Variants in PDXDC1 observed in about 807,000 individuals in gnomAD.
PDXDC1 encodes pyridoxal-dependent decarboxylase domain-containing protein 1.
In PDXDC1, 42 loss-of-function variants were observed where a neutral mutation model predicts 100.1. That is an observed-to-expected ratio of 0.42 (90% CI 0.33 to 0.54). PDXDC1 has a LOEUF of 0.54. PDXDC1 is among the 20% of genes least tolerant of loss of function. The pLI, the probability that PDXDC1 is intolerant of heterozygous loss-of-function variation, is 0.10. For synonymous variants in PDXDC1, 260 were observed against 371.7 expected, an observed-to-expected ratio of 0.70 and a Z score of 3.46; for missense variants, 636 against 979.2, an observed-to-expected ratio of 0.65 and a Z score of 4.68.
intron 16 of PDXDC1, chr16:15,130,840 CG>C: frequency 1.3e-6 from 1 of 760,336 alleles, no homozygotes; most frequent in Non-Finnish European, 2.3e-6. Context: ...CTCAACCACC[CG>C]GGGGACACCC....
At chr16:15,097,111 T>A (rs1194079441) in intron 16 of PDXDC1, among the ~76,000 whole-genome samples, 2 of 151,830 alleles carry the variant, frequency 1.3e-5, no homozygotes, top group African/African-American at 4.8e-5. Flanking sequence ...ATAACACTTT[T>A]AAAAAACTTA....
intron 1 of PDXDC1, chr16:14,988,688 A>G: frequency 1.9e-6 from 3 of 1,613,752 alleles, no homozygotes; most frequent in Non-Finnish European, 2.5e-6. Flanking sequence ...CCAGGTTGAT[A>G]TGGTCGTTCT....
At chr16:15,059,191 C>G (rs755872959) in intron 16 of PDXDC1, among the ~76,000 whole-genome samples, 1 of 152,148 alleles carries the variant, frequency 6.6e-6, no homozygotes, top group Non-Finnish European at 1.5e-5. Flanking sequence ...TGGTGTGTGA[C>G]GTGAGCCTGG....
At chr16:15,054,372 A>G (rs1046116469) in intron 16 of PDXDC1, among the ~76,000 whole-genome samples, 1 of 152,042 alleles carries the variant, frequency 6.6e-6, no homozygotes, top group Non-Finnish European at 1.5e-5. Context: ...ATCTCCCTCC[A>G]CACTTAAGTG....
intron 16 of PDXDC1, among the ~76,000 whole-genome samples, chr16:15,046,285 T>C (rs941970832): frequency 2.0e-5 from 3 of 152,224 alleles, no homozygotes; most frequent in African/African-American, 7.2e-5. Context: ...CTCCTAGGAT[T>C]AAGCCTTCGT....
chr16:15,047,419 T>C, intron 16 of PDXDC1: 1 of 1,432,484 alleles, frequency 7.0e-7, no homozygotes, highest in Non-Finnish European at 9.9e-7. Context: ...TCAATTCACC[T>C]ATGAGAGCAG....
intron 16 of PDXDC1, chr16:15,135,875 A>G: frequency 6.4e-7 from 1 of 1,563,142 alleles, no homozygotes. Context: ...GACAAACACA[A>G]AGCAGTAGTG....
At chr16:15,009,911 G>C (rs560879716) in intron 8 of PDXDC1, 152 bp downstream of exon 8, 5 of 1,419,474 alleles carry the variant, frequency 3.5e-6, no homozygotes, top group Non-Finnish European at 4.6e-6. Flanking sequence ...TAATAGTAAG[G>C]TTGGCTCGTT....
At chr16:15,052,801 G>A (rs1389004194) in intron 16 of PDXDC1, among the ~76,000 whole-genome samples, 1 of 151,942 alleles carries the variant, frequency 6.6e-6, no homozygotes, top group Non-Finnish European at 1.5e-5. Context: ...CTCCAGCCTG[G>A]GTGACAGAGC....
intron 1 of PDXDC1, among the ~76,000 whole-genome samples, chr16:14,984,257 C>T (rs1169870025): frequency 6.6e-6 from 1 of 150,478 alleles, no homozygotes; most frequent in Non-Finnish European, 1.5e-5. Context: ...TGGATCCCTG[C>T]CCTGCTTTCT....
intron 16 of PDXDC1, chr16:15,130,569 G>C: frequency 7.2e-7 from 1 of 1,379,566 alleles, no homozygotes; most frequent in Admixed American, 1.7e-5. Flanking sequence ...CACAGGGCCT[G>C]TAACCCGGGC....
chr16:15,110,598 T>C lies in PDXDC1; in HGVS notation c.1400-28281T>C, dbSNP rs201942436. 1.9e-3 allele frequency: 3,056 copies of C among 1,582,132 alleles called. 191 individuals carry two copies. The highest frequency in any genetic ancestry group is 2.1e-3 in the Non-Finnish European group (2,464 of 1,167,660). On this transcript the variant is annotated intron_variant, in intron 16 of 16. Transcript: ENST00000535621. ...ACTCTTTTCTTTGTGTGCATACAAA[T>C]GGACTTCAGCCCTTGGTGAGAGTGA...
At chr16:15,136,167 C>G (rs2151928713) in intron 16 of PDXDC1, 1 of 1,014,238 alleles carries the variant, frequency 9.9e-7, no homozygotes, top group East Asian at 2.5e-5. Context: ...GGGCTCAGGG[C>G]ACTCCTCCAT....
At chr16:15,030,781 C>T (rs968712719) in intron 16 of PDXDC1, among the ~76,000 whole-genome samples, 18 of 151,540 alleles carry the variant, frequency 1.2e-4, no homozygotes, top group Admixed American at 2.6e-4. Flanking sequence ...TGGGGTTTTG[C>T]CACGTTGGCC....
intron 16 of PDXDC1, chr16:15,131,132 G>A (rs1276643661): frequency 1.9e-6 from 3 of 1,601,952 alleles, no homozygotes; most frequent in South Asian, 2.2e-5. Flanking sequence ...ACGGCCGCAG[G>A]GTTGCTGCTG....
chr16:14,976,203 G>A (rs1966817499), intron 1 of PDXDC1, among the ~76,000 whole-genome samples: 1 of 152,294 alleles, frequency 6.6e-6, no homozygotes, highest in South Asian at 2.1e-4. Flanking sequence ...GTTCCAGCTT[G>A]GGAGTCTGCT....
chr16:15,093,465 C>G (rs575435913), intron 16 of PDXDC1, among the ~76,000 whole-genome samples: 1 of 152,196 alleles, frequency 6.6e-6, no homozygotes, highest in Non-Finnish European at 1.5e-5. Flanking sequence ...GCCTTTCCCC[C>G]CTATGCTGTA....
At chr16:15,128,011 C>T in intron 16 of PDXDC1, 2 of 1,599,388 alleles carry the variant, frequency 1.3e-6, no homozygotes, top group Non-Finnish European at 1.7e-6. Context: ...GCACCTCCTT[C>T]TCCACCAGGC....
chr16:15,074,876 AG>A lies in PDXDC1; in HGVS notation c.1399+44821del, dbSNP rs780098152. ...TCATCTTCATCCTTTGAAGACAAAA[AG>A]TAAATACTAACATTAAAAAATTCAA... On this transcript the variant is annotated intron_variant, in intron 16 of 16. Transcript: ENST00000535621. 23 of 1,598,468 alleles carry A rather than the reference AG, an allele frequency of 1.4e-5. No homozygotes were observed. In the African/African-American group the frequency reaches 3.1e-4, roughly 22 times the overall value.
Sources: gnomAD v4.1 joint callset for allele counts (sites outside exome capture counted in the v4.1 genomes callset) on GRCh38, gnomAD v4.1.1 for gene constraint, MANE v1.5 for transcripts, NCBI Gene and HGNC (gene_info 2026-07-23, HGNC 2026-07-21) for gene names.